PPM1B: variants seen among roughly 807,000 people sequenced by gnomAD.
PPM1B encodes protein phosphatase 1B.
PPM1B carries 22 observed loss-of-function variants against 43.0 expected under a neutral mutation model. The observed-to-expected ratio is 0.51, with a 90% CI of 0.37 to 0.73. The LOEUF (loss-of-function observed/expected upper bound fraction) is 0.73. PPM1B is among the 30% of genes least tolerant of loss of function. PPM1B has a pLI of 0.00. For synonymous variants in PPM1B, 217 were observed against 197.9 expected (o/e 1.10, Z -0.81); for missense variants, 632 against 584.2 (o/e 1.08, Z -0.84).
intron 3 of PPM1B, among the ~76,000 whole-genome samples, chr2:44,215,674 T>C (rs985529448): frequency 2.6e-5 from 4 of 152,198 alleles, no homozygotes; most frequent in Admixed American, 2.6e-4. Flanking sequence ...TTCACCTGAA[T>C]TGATGAATTA....
intron 1 of PPM1B, among the ~76,000 whole-genome samples, chr2:44,186,044 T>C (rs1365076109): frequency 6.6e-6 from 1 of 152,194 alleles, no homozygotes; most frequent in African/African-American, 2.4e-5. Context: ...TTTCTTTTGC[T>C]TCTCATTCAA....
At chr2:44,169,529 G>A (rs1188930541) in intron 1 of PPM1B, among the ~76,000 whole-genome samples, 1 of 152,234 alleles carries the variant, frequency 6.6e-6, no homozygotes, top group Non-Finnish European at 1.5e-5. Flanking sequence ...GAGAGAATGG[G>A]AGTTTGCTGG....
chr2:44,226,388 A>G (rs1194758143), intron 5 of PPM1B, among the ~76,000 whole-genome samples: 3 of 152,222 alleles, frequency 2.0e-5, no homozygotes, highest in Non-Finnish European at 2.9e-5. Flanking sequence ...GAGGTACTTT[A>G]TCTGTTGAAC....
intron 1 of PPM1B, among the ~76,000 whole-genome samples, chr2:44,198,787 G>C (rs1411697142): frequency 6.6e-6 from 1 of 152,168 alleles, no homozygotes; most frequent in East Asian, 1.9e-4. Context: ...ATGCTCTTAA[G>C]ACTGTTGAAG....
chr2:44,240,235 A>G (rs190549190), intron 5 of PPM1B, among the ~76,000 whole-genome samples: 2 of 146,176 alleles, frequency 1.4e-5, no homozygotes, highest in East Asian at 4.1e-4. Context: ...AAGAGCTTGC[A>G]TCCATTTGGG....
Position 44,201,343 on chromosome 2 carries a change from C to G in PPM1B, c.144C>G (p.His48Gln). 1 of 1,614,100 alleles carries G rather than the reference C, an allele frequency of 6.2e-7. No homozygotes were observed. The highest frequency in any genetic ancestry group is 8.5e-7 in the Non-Finnish European group (1 of 1,180,010). ...ACACAGCTGTTGTAGGTATTCCTCACGGCTTGGAAGACTGGTCATTTTTTG... is the reference window on the plus strand; with the variant it reads ...ACACAGCTGTTGTAGGTATTCCTCAGGGCTTGGAAGACTGGTCATTTTTTG... ...DAHTAVVGIP[H>Q]GLEDWSFFAV... is the part of the protein sequence containing the mutation. The change falls in exon 2 of 6, where the codon CAC becomes CAG. Residue 48 changes from histidine (H) to glutamine (Q), a missense_variant. By Grantham distance (24) the His-to-Gln change is conservative. Transcript: ENST00000282412. This position sits in a 1 kb window ranked among gnomAD's most constrained non-coding sequence, Gnocchi z 5.4.
At chr2:44,237,818 G>A (rs1452278178), downstream of PPM1B, among the ~76,000 whole-genome samples, 2 of 152,232 alleles carry the variant, frequency 1.3e-5, no homozygotes, top group Middle Eastern at 3.4e-3. Flanking sequence ...CTCCTGAGTC[G>A]TTTACACTTA....
chr2:44,209,377 A>G (rs370952868), intron 3 of PPM1B, 50 bp downstream of exon 3: 3 of 1,585,700 alleles, frequency 1.9e-6, no homozygotes, highest in South Asian at 2.3e-5. Context: ...ACGGTAGCTC[A>G]TGCCTGTAAT....
chr2:44,215,521 T>C (rs184449448), intron 3 of PPM1B, among the ~76,000 whole-genome samples: 55 of 152,312 alleles, frequency 3.6e-4, no homozygotes, highest in African/African-American at 1.3e-3. Flanking sequence ...ATTATGTTTC[T>C]TCTGGGGTTT....
At chr2:44,232,773 TCAC>T (rs1020879348), downstream of PPM1B, 24 of 987,444 alleles carry the variant, frequency 2.4e-5, no homozygotes, top group Admixed American at 2.5e-4. Flanking sequence ...TTTTTTCAGT[TCAC>T]CAAGTTGGAA....
chr2:44,202,136 T>A, intron 2 of PPM1B, 91 bp downstream of exon 2: 1 of 1,257,504 alleles, frequency 8.0e-7, no homozygotes, highest in Non-Finnish European at 1.1e-6. Flanking sequence ...TTAAAACTTT[T>A]AATATTTTCA....
downstream of PPM1B, among the ~76,000 whole-genome samples, chr2:44,245,009 A>G (rs1466935733): frequency 6.6e-6 from 1 of 151,922 alleles, no homozygotes; most frequent in Non-Finnish European, 1.5e-5. Context: ...TAAACTAATG[A>G]AATGTCTTTC....
Position 44,227,174 on chromosome 2 carries a change from C to T in PPM1B, c.1135-3239C>T, listed in dbSNP as rs572207610. On this transcript the variant is annotated intron_variant, in intron 5 of 5. Transcript: ENST00000282412. ...TTGTTTTGTAGAGACGGGGTCTCCC[C>T]GTGTTGCTCAGGCTGGTCTCAAACT... Among the ~76,000 whole-genome samples, 18 of 151,802 alleles carry T rather than the reference C, an allele frequency of 1.2e-4. No homozygotes were observed. In the East Asian group the frequency reaches 1.5e-3, roughly 13 times the overall value.
At chr2:44,206,142 G>C (rs1265368895) in intron 2 of PPM1B, among the ~76,000 whole-genome samples, 2 of 152,148 alleles carry the variant, frequency 1.3e-5, no homozygotes, top group Non-Finnish European at 2.9e-5. Context: ...GTTAACTGCT[G>C]TGCTGTTGTA....
At chr2:44,234,168 C>G, downstream of PPM1B, 3 of 979,090 alleles carry the variant, frequency 3.1e-6, no homozygotes, top group South Asian at 1.4e-4. Flanking sequence ...ATTAACCAAA[C>G]TGTACAGGAC....
intron 1 of PPM1B, among the ~76,000 whole-genome samples, chr2:44,182,124 G>T (rs549077588): frequency 6.6e-6 from 1 of 152,162 alleles, no homozygotes; most frequent in Non-Finnish European, 1.5e-5. Context: ...GGACATCAGT[G>T]TTTGAGCTGT....
intron 1 of PPM1B, among the ~76,000 whole-genome samples, chr2:44,171,114 T>C (rs1275667549): frequency 6.6e-6 from 1 of 152,246 alleles, no homozygotes; most frequent in Non-Finnish European, 1.5e-5. Flanking sequence ...TCTAGTACAT[T>C]ATCCTCTGGA....
chr2:44,179,934 G>A (rs1035637536), intron 1 of PPM1B, among the ~76,000 whole-genome samples: 3 of 151,042 alleles, frequency 2.0e-5, no homozygotes, highest in Non-Finnish European at 4.4e-5. Flanking sequence ...GCTTGAACCC[G>A]GGAGGCAGAG....
chr2:44,224,625 T>C (rs1324597711), intron 5 of PPM1B, among the ~76,000 whole-genome samples: 5 of 152,110 alleles, frequency 3.3e-5, no homozygotes, highest in Non-Finnish European at 7.4e-5. Context: ...CTATGTCTTA[T>C]TTGGTGTAAG....
Sources: allele counts gnomAD v4.1 joint callset (sites outside exome capture counted in the v4.1 genomes callset), GRCh38; gene constraint gnomAD v4.1.1; non-coding constraint Gnocchi (gnomAD v3.1); transcripts MANE v1.5; gene names NCBI Gene and HGNC (gene_info 2026-07-23, HGNC 2026-07-21).